NELL2: variants seen among roughly 807,000 people sequenced by gnomAD.
NELL2 encodes the protein neural EGFL like 2.
In NELL2, 41 loss-of-function variants were observed where a neutral mutation model predicts 109.6. That is an observed-to-expected ratio of 0.37 (90% CI 0.29 to 0.49). The LOEUF is 0.49. Ranked by LOEUF, NELL2 falls within the 20% of genes least tolerant of loss-of-function variation. The probability of loss-of-function intolerance (pLI) is 0.98; values close to 1 mark genes in which losing one functional copy is unlikely to be tolerated. For synonymous variants in NELL2, 355 were observed against 344.7 expected (o/e 1.03, Z -0.33); for missense variants, 900 against 1,008.3 (o/e 0.89, Z 1.45).
At chr12:44,540,570 G>A (rs183222622) in intron 15 of NELL2, among the ~76,000 whole-genome samples, 25 of 152,180 alleles carry the variant, frequency 1.6e-4, no homozygotes, top group Middle Eastern at 3.4e-3. Flanking sequence ...CTCCCACCAT[G>A]AGCAGATTGC....
At chr12:44,838,282 T>G (rs1450854406) in intron 2 of NELL2, among the ~76,000 whole-genome samples, 1 of 152,168 alleles carries the variant, frequency 6.6e-6, no homozygotes, top group Admixed American at 6.5e-5. Context: ...CAAAAAGGTG[T>G]CTGAAATTAT....
chr12:44,560,472 A>G (rs1592119824), intron 15 of NELL2, among the ~76,000 whole-genome samples: 1 of 152,236 alleles, frequency 6.6e-6, no homozygotes, highest in South Asian at 2.1e-4. Flanking sequence ...TCAAATAGAC[A>G]TAATTAAAAA....
At chr12:44,797,710 C>T (rs115972535) in intron 3 of NELL2, among the ~76,000 whole-genome samples, 2,191 of 151,004 alleles carry the variant, frequency 0.015, 52 homozygotes, top group African/African-American at 0.05. Flanking sequence ...AGTATCGCTC[C>T]TTGAAGGTCT....
chr12:44,679,745 A>T (rs746046975), intron 12 of NELL2, among the ~76,000 whole-genome samples: 1 of 152,122 alleles, frequency 6.6e-6, no homozygotes, highest in Non-Finnish European at 1.5e-5. Flanking sequence ...CCTGTTGTAG[A>T]AAATTTCCAG....
At chr12:44,697,757 T>C (rs564742236) in intron 12 of NELL2, among the ~76,000 whole-genome samples, 7 of 152,288 alleles carry the variant, frequency 4.6e-5, no homozygotes, top group Middle Eastern at 6.8e-3. Flanking sequence ...AATCATGGAC[T>C]GTTAAGCCAA....
intron 13 of NELL2, among the ~76,000 whole-genome samples, chr12:44,620,021 G>A (rs947887617): frequency 6.6e-6 from 1 of 152,002 alleles, no homozygotes; most frequent in African/African-American, 2.4e-5. Flanking sequence ...GATAACTTAG[G>A]TTCTTAACCT....
At chr12:44,831,465 G>A (rs1024233783) in intron 2 of NELL2, among the ~76,000 whole-genome samples, 1 of 152,126 alleles carries the variant, frequency 6.6e-6, no homozygotes, top group Non-Finnish European at 1.5e-5. Flanking sequence ...GAATAATCCA[G>A]TACCATGAAC....
intron 15 of NELL2, among the ~76,000 whole-genome samples, chr12:44,560,696 C>T (rs1299051253): frequency 6.6e-6 from 1 of 152,120 alleles, no homozygotes; most frequent in Non-Finnish European, 1.5e-5. Flanking sequence ...TAATAGCCTA[C>T]CAACCAAAGA....
intron 3 of NELL2, among the ~76,000 whole-genome samples, chr12:44,798,946 C>CTTTTTTTT (rs1157006162): frequency 9.0e-5 from 7 of 77,446 alleles, no homozygotes; most frequent in Admixed American, 1.6e-4. Context: ...ATGATTTCCA[C>CTTTTTTTT]TTTTTTTTTT....
At chr12:44,546,672 T>C (rs1942806964) in intron 15 of NELL2, among the ~76,000 whole-genome samples, 1 of 152,310 alleles carries the variant, frequency 6.6e-6, no homozygotes, top group Non-Finnish European at 1.5e-5. Context: ...TCCAGACTAA[T>C]TAAATTTTGT....
rs751189766 is a variant in NELL2 at position 44,776,165 on chromosome 12, A to G, written c.763-15T>C. The G allele has an allele frequency of 6.2e-7, 1 of 1,612,698 alleles. No homozygotes were observed. The highest frequency in any genetic ancestry group is 1.1e-5 in the South Asian group (1 of 90,900). Reference sequence around the variant, plus strand: ...GCTCGAGACAGCTGTGGCACAAAAGAACGGGTTTTACATTGTTCATCCTTC... The same window carrying G: ...GCTCGAGACAGCTGTGGCACAAAAGGACGGGTTTTACATTGTTCATCCTTC... On this transcript the variant is annotated splice_polypyrimidine_tract_variant and intron_variant, in intron 7 of 19. Transcript: ENST00000429094.
intron 9 of NELL2, among the ~76,000 whole-genome samples, chr12:44,765,488 T>C (rs1040985228): frequency 2.4e-4 from 36 of 152,118 alleles, no homozygotes; most frequent in African/African-American, 7.7e-4. Flanking sequence ...TTCCCTAATA[T>C]AGACAACATT....
chr12:44,739,031 A>G (rs73285440), intron 9 of NELL2, among the ~76,000 whole-genome samples: 8,135 of 152,228 alleles, frequency 0.053, 680 homozygotes, highest in African/African-American at 0.18. Context: ...TTCCTCCACC[A>G]CCATTCACAC....
At position 44,780,035 on chromosome 12, in the gene NELL2, G is replaced by A. The variant is rs202147560; in HGVS notation, c.336-13C>T. On this transcript the variant is annotated splice_polypyrimidine_tract_variant and intron_variant, in intron 3 of 19. Transcript: ENST00000429094. ...CAGTTCCAGGTACCTGCAGAGAGAA[G>A]AGCCACATGGGACACATTAAAAATA... is the stretch of plus-strand genomic sequence containing the variant. 85 of 1,612,586 alleles carry A rather than the reference G, an allele frequency of 5.3e-5. No individual in the cohort carries two copies. The African/African-American group carries it at 6.7e-4, about 13-fold the overall frequency.
chr12:44,756,411 T>C (rs535126789), intron 9 of NELL2, among the ~76,000 whole-genome samples: 12 of 152,044 alleles, frequency 7.9e-5, no homozygotes, highest in African/African-American at 2.7e-4. Context: ...TCTTAAAAAA[T>C]TAAAAAAATT....
chr12:44,860,923 A>G (rs1253560817), intron 2 of NELL2, among the ~76,000 whole-genome samples: 4 of 152,174 alleles, frequency 2.6e-5, no homozygotes, highest in East Asian at 1.9e-4. Flanking sequence ...TATCAACTCA[A>G]AGTTCAAAAT....
chr12:44,771,338 G>GTTTT (rs1555214136), intron 9 of NELL2, among the ~76,000 whole-genome samples: 25 of 133,796 alleles, frequency 1.9e-4, no homozygotes, highest in African/African-American at 6.5e-4. Context: ...TATAACAGAT[G>GTTTT]GTTTTTTTAA....
chr12:44,736,669 A>G (rs983638800), intron 9 of NELL2, among the ~76,000 whole-genome samples: 1 of 152,212 alleles, frequency 6.6e-6, no homozygotes, highest in African/African-American at 2.4e-5. Flanking sequence ...TTACTATTGG[A>G]AATCAATTCA....
chr12:44,589,008 C>T (rs1325440517), intron 15 of NELL2, among the ~76,000 whole-genome samples: 1 of 152,168 alleles, frequency 6.6e-6, no homozygotes, highest in African/African-American at 2.4e-5. Flanking sequence ...TGAATTAACT[C>T]ATTTAATACT....
Sources: allele counts gnomAD v4.1 joint callset (sites outside exome capture counted in the v4.1 genomes callset), GRCh38; gene constraint gnomAD v4.1.1; transcripts MANE v1.5; gene names NCBI Gene and HGNC (gene_info 2026-07-23, HGNC 2026-07-21).